The following GRID2 variants were observed in gnomAD, a reference collection of about 807,000 sequenced individuals.
GRID2 encodes the protein glutamate ionotropic receptor delta type subunit 2.
A neutral mutation model predicts 114.8 loss-of-function variants in GRID2; 33 were observed. The ratio of observed to expected loss-of-function variants is 0.29; its 90% confidence interval spans 0.22 to 0.38. The LOEUF is 0.38. Among genes scored for constraint, GRID2 ranks in the 10% least tolerant of loss-of-function variants. The probability of loss-of-function intolerance (pLI) is 1.00; values close to 1 mark genes in which losing one functional copy is unlikely to be tolerated. For synonymous variants in GRID2, 505 were observed against 449.9 expected (o/e 1.12, Z -1.55); for missense variants, 1,184 against 1,257.7 (o/e 0.94, Z 0.89).
chr4:93,687,330 G>A (rs1013503995), intron 14 of GRID2, among the ~76,000 whole-genome samples: 1 of 151,996 alleles, frequency 6.6e-6, no homozygotes, highest in African/African-American at 2.4e-5. Flanking sequence ...AGTTTGAGAT[G>A]TCTATTGGAC....
intron 2 of GRID2, among the ~76,000 whole-genome samples, chr4:93,065,951 G>C (rs1432956267): frequency 6.6e-6 from 1 of 151,884 alleles, no homozygotes; most frequent in Non-Finnish European, 1.5e-5. Context: ...ACTGCTCTAA[G>C]ATATACTAAC....
At chr4:93,794,024 A>AG (rs1554002541) in intron 1 of GRID2, among the ~76,000 whole-genome samples, 1 of 147,070 alleles carries the variant, frequency 6.8e-6, no homozygotes, top group East Asian at 2.5e-4. Flanking sequence ...TCCCATCTGC[A>AG]GAAAAAAAAA....
At chr4:93,283,174 G>A (rs756017364) in intron 8 of GRID2, among the ~76,000 whole-genome samples, 2 of 151,932 alleles carry the variant, frequency 1.3e-5, no homozygotes, top group Non-Finnish European at 2.9e-5. Flanking sequence ...ACCTAATTTC[G>A]CAAAGCATTT....
chr4:93,776,220 C>A (rs1272618674), downstream of GRID2, among the ~76,000 whole-genome samples: 1 of 152,088 alleles, frequency 6.6e-6, no homozygotes, highest in Non-Finnish European at 1.5e-5. Flanking sequence ...ATCTTATAGC[C>A]AACCCTCATG....
chr4:92,943,674 G>A (rs574053748), intron 2 of GRID2, among the ~76,000 whole-genome samples: 1 of 152,222 alleles, frequency 6.6e-6, no homozygotes, highest in South Asian at 2.1e-4. Flanking sequence ...AGAGTTTCCA[G>A]TTTTTCTGCT....
At chr4:93,020,801 G>C (rs1417678641) in intron 2 of GRID2, among the ~76,000 whole-genome samples, 1 of 152,130 alleles carries the variant, frequency 6.6e-6, no homozygotes, top group Non-Finnish European at 1.5e-5. Context: ...GGAAGGCCGA[G>C]GCGGGCAGAT....
chr4:92,699,492 A>G (rs1314762941), intron 2 of GRID2, among the ~76,000 whole-genome samples: 2 of 152,184 alleles, frequency 1.3e-5, no homozygotes, highest in African/African-American at 4.8e-5. Context: ...CATTTGAAAA[A>G]TAGGACAGAG....
intron 2 of GRID2, among the ~76,000 whole-genome samples, chr4:92,826,883 C>T (rs540374055): frequency 1.3e-5 from 2 of 152,040 alleles, no homozygotes; most frequent in East Asian, 3.9e-4. Flanking sequence ...AATGTTATTT[C>T]CTTTATATCC....
At position 93,417,523 on chromosome 4, in the gene GRID2, A is replaced by G. The variant is rs533949928; in HGVS notation, c.1348-5248A>G. Among the ~76,000 whole-genome samples, 6 of 152,196 alleles carry G rather than the reference A, an allele frequency of 3.9e-5. No individual in the cohort carries two copies. In the South Asian group the frequency reaches 1.2e-3, roughly 32 times the overall value. ...TCAGAGCAAAAAGCAGACGATTGTCATTACCACAGAAACCACCTCCCCAGT... is the reference window on the plus strand; with the variant it reads ...TCAGAGCAAAAAGCAGACGATTGTCGTTACCACAGAAACCACCTCCCCAGT... On this transcript the variant is annotated intron_variant, in intron 9 of 15. Transcript: ENST00000282020.
At chr4:93,208,574 A>G (rs1213401541) in intron 5 of GRID2, among the ~76,000 whole-genome samples, 1 of 152,002 alleles carries the variant, frequency 6.6e-6, no homozygotes, top group Non-Finnish European at 1.5e-5. Context: ...AGGTCCATAG[A>G]GAATAAATTA....
At chr4:93,801,442 A>G (rs948100972) in intron 1 of GRID2, among the ~76,000 whole-genome samples, 2 of 151,984 alleles carry the variant, frequency 1.3e-5, no homozygotes, top group Admixed American at 6.6e-5. Flanking sequence ...GTCCTGAAAG[A>G]TTTGTCACAT....
At chr4:92,743,236 C>T (rs1018687478) in intron 2 of GRID2, among the ~76,000 whole-genome samples, 1 of 152,190 alleles carries the variant, frequency 6.6e-6, no homozygotes, top group East Asian at 1.9e-4. Flanking sequence ...GTGATCCTGC[C>T]ACTGCACTGC....
At chr4:93,789,650 C>T (rs1734658838) in intron 1 of GRID2, among the ~76,000 whole-genome samples, 2 of 152,124 alleles carry the variant, frequency 1.3e-5, no homozygotes, top group South Asian at 2.1e-4. Flanking sequence ...TTTCTATTCT[C>T]ATCAGAATAA....
chr4:93,659,616 C>A (rs1723309313), intron 14 of GRID2, among the ~76,000 whole-genome samples: 1 of 152,020 alleles, frequency 6.6e-6, no homozygotes, highest in Non-Finnish European at 1.5e-5. Context: ...TTGCATTCTG[C>A]CATAAATTTC....
chr4:92,685,250 G>T (rs1733844011), intron 2 of GRID2, among the ~76,000 whole-genome samples: 1 of 152,054 alleles, frequency 6.6e-6, no homozygotes, highest in African/African-American at 2.4e-5. Flanking sequence ...AGCTAGAGAG[G>T]AGAGGGATTG....
At chr4:92,915,236 A>C (rs546677961) in intron 2 of GRID2, among the ~76,000 whole-genome samples, 1 of 152,264 alleles carries the variant, frequency 6.6e-6, no homozygotes, top group East Asian at 1.9e-4. Context: ...CTCCCTTGAC[A>C]CATGGGGATT....
chr4:93,029,578 A>G (rs1724196670), intron 2 of GRID2, among the ~76,000 whole-genome samples: 1 of 152,120 alleles, frequency 6.6e-6, no homozygotes, highest in African/African-American at 2.4e-5. Context: ...AAACCGGAGT[A>G]TTTTTTCACA....
At chr4:93,703,361 A>G (rs1408722716) in intron 14 of GRID2, among the ~76,000 whole-genome samples, 3 of 152,168 alleles carry the variant, frequency 2.0e-5, no homozygotes, top group Non-Finnish European at 4.4e-5. Flanking sequence ...CAAATGAAGT[A>G]TCTATCACCT....
intron 2 of GRID2, among the ~76,000 whole-genome samples, chr4:92,828,617 CT>C (rs762505581): frequency 2.0e-5 from 3 of 152,182 alleles, no homozygotes; most frequent in Non-Finnish European, 2.9e-5. Context: ...ACATTTCTGA[CT>C]TTTAACTAAT....
Sources: gnomAD v4.1 joint callset for allele counts (sites outside exome capture counted in the v4.1 genomes callset) on GRCh38, gnomAD v4.1.1 for gene constraint, MANE v1.5 for transcripts, NCBI Gene and HGNC (gene_info 2026-07-23, HGNC 2026-07-21) for gene names.